ZNF264: variants seen among roughly 807,000 people sequenced by gnomAD.
ZNF264 encodes zinc finger protein 264.
A neutral mutation model predicts 11.2 loss-of-function variants in ZNF264; 11 were observed. The ratio of observed to expected loss-of-function variants is 0.98; its 90% confidence interval spans 0.62 to 1.63. The LOEUF (loss-of-function observed/expected upper bound fraction) is 1.63, where lower values mean the gene tolerates loss of function less well. ZNF264 is among the 40% of genes most tolerant of loss of function. The pLI is 0.00. For missense variants in ZNF264, 752 were observed against 768.1 expected (o/e 0.98, Z 0.25); for synonymous variants, 309 against 279.8 (o/e 1.10, Z -1.04).
intron 2 of ZNF264, among the ~76,000 whole-genome samples, chr19:57,203,246 G>C (rs1197101320): frequency 6.6e-6 from 1 of 152,086 alleles, no homozygotes; most frequent in East Asian, 1.9e-4. Flanking sequence ...TTGATTTAGG[G>C]CAGGGGAAAT....
intron 3 of ZNF264, among the ~76,000 whole-genome samples, chr19:57,207,116 C>T (rs1304990680): frequency 6.7e-6 from 1 of 149,338 alleles, no homozygotes; most frequent in Non-Finnish European, 1.5e-5. Context: ...ACAAGGAACC[C>T]ATGATCTTGC....
intron 2 of ZNF264, among the ~76,000 whole-genome samples, chr19:57,205,008 G>A (rs1277110563): frequency 6.6e-6 from 1 of 151,790 alleles, no homozygotes; most frequent in Non-Finnish European, 1.5e-5. Context: ...TCCTGGGGAT[G>A]CTGTGAGAAA....
chr19:57,203,134 AG>A (rs1300892595), intron 2 of ZNF264, among the ~76,000 whole-genome samples: 1 of 152,224 alleles, frequency 6.6e-6, no homozygotes, highest in Non-Finnish European at 1.5e-5. Context: ...TGGAAAAGCA[AG>A]ACAGGGCATG....
At position 57,219,618 on chromosome 19, in the gene ZNF264, G is replaced by A. The variant is rs1312134553; in HGVS notation, c.*6637G>A. On this transcript the variant is annotated 3_prime_UTR_variant, in exon 4 of 4. Transcript: ENST00000263095. ...AAAACTTCTTTCTTGGTTCTTGAAA[G>A]TTGCTGTCTTTCTCCTCCAGAGGGT... 6.6e-6 allele frequency: 1 copy of A among 152,218 alleles called. No individual in the cohort carries two copies. Among genetic ancestry groups the A allele is most frequent in the Admixed American group, 6.5e-5 (1 of 15,282 alleles). The allele number at this position is 152,218 out of a possible 1,614,324, so 9.4% of individuals were successfully genotyped here.
intron 3 of ZNF264, among the ~76,000 whole-genome samples, chr19:57,206,629 A>C (rs1453328200): frequency 6.6e-6 from 1 of 151,866 alleles, no homozygotes; most frequent in Admixed American, 6.6e-5. Context: ...ATAGTAAGTG[A>C]CTCATCCGAA....
At chr19:57,193,520 A>T in intron 1 of ZNF264, 1 of 985,434 alleles carries the variant, frequency 1.0e-6, no homozygotes, top group Non-Finnish European at 1.2e-6. Context: ...GCAGGCACCT[A>T]GCTGGACCAG....
chr19:57,200,195 A>G (rs184871964), intron 2 of ZNF264, among the ~76,000 whole-genome samples: 1 of 151,960 alleles, frequency 6.6e-6, no homozygotes, highest in Non-Finnish European at 1.5e-5. Context: ...GTGCATGCAC[A>G]GCCTCACCAG....
chr19:57,192,836 A>G (rs187777944), intron 1 of ZNF264, among the ~76,000 whole-genome samples: 19 of 152,146 alleles, frequency 1.2e-4, no homozygotes, highest in Admixed American at 9.2e-4. Flanking sequence ...GGTTCAAGCA[A>G]TTCTCCTGCC....
In ZNF264 at chr19:57,221,810, CAG is replaced by C. The variant is rs1325309152; in HGVS notation, c.*8830_*8831del. 3 of 152,018 alleles carry C rather than the reference CAG, an allele frequency of 2.0e-5. No individual in the cohort carries two copies. Among genetic ancestry groups the C allele is most frequent in the Non-Finnish European group, 2.9e-5 (2 of 68,004 alleles). The allele number at this position is 152,018 out of a possible 1,614,324, so 9.4% of individuals were successfully genotyped here. The stretch of plus-strand genomic sequence containing the variant: ...GGGGGGAAAAAAAGGCACCGAAAAA[CAG>C]GGCAGTGAGCTACTCCTGTTTTGGG... On this transcript the variant is annotated 3_prime_UTR_variant, in exon 4 of 4. Transcript: ENST00000263095.
rs1386283450 is a variant in ZNF264, at chr19:57,212,541, C to G, written c.1444C>G (p.Pro482Ala). ...RHFSIHTGEK[P>A]YECVECGKAF... Reference sequence around the variant, plus strand: ...CTTCAGCATCCACACTGGAGAGAAGCCCTATGAGTGCGTGGAGTGTGGAAA... The same window carrying G: ...CTTCAGCATCCACACTGGAGAGAAGGCCTATGAGTGCGTGGAGTGTGGAAA... The change falls in exon 4 of 4, where the codon CCC becomes GCC. Residue 482 changes from proline to alanine, a missense_variant. Transcript: ENST00000263095. 6.2e-7 allele frequency: 1 copy of G among 1,614,174 alleles called. No individual in the cohort carries two copies. Among genetic ancestry groups the G allele is most frequent in the East Asian group, 2.2e-5 (1 of 44,878 alleles).
chr19:57,198,961 T>TA (rs1289746385), intron 2 of ZNF264, among the ~76,000 whole-genome samples: 1 of 151,920 alleles, frequency 6.6e-6, no homozygotes, highest in Non-Finnish European at 1.5e-5. Flanking sequence ...TAATTCAAAT[T>TA]AGTCTTTTGT....
rs112609590 is a variant in ZNF264 at position 57,217,784 on chromosome 19, C to A, written c.*4803C>A. 2.8e-5 allele frequency: 3 copies of A among 108,492 alleles called. No homozygotes were observed. The highest frequency in any genetic ancestry group is 1.1e-4 in the African/African-American group (3 of 27,684). The allele number at this position is 108,492 out of a possible 1,614,324, so 6.7% of individuals were successfully genotyped here. A position where few individuals can be genotyped will look rare whatever the true frequency, so the allele number is the denominator to read the frequency against. ...GTCATGAGAAACATTGTCTCTTGAC[C>A]TTTTTTTTTTTTTTTTTTTTTTAAA... On this transcript the variant is annotated 3_prime_UTR_variant, in exon 4 of 4. Coordinates refer to ENST00000263095, the MANE Select transcript of ZNF264 (RefSeq NM_003417.5).
At chr19:57,194,107 T>C in intron 2 of ZNF264, 106 bp downstream of exon 2, 6 of 1,463,798 alleles carry the variant, frequency 4.1e-6, no homozygotes, top group Non-Finnish European at 5.5e-6. Flanking sequence ...GAATCTACCT[T>C]GCCTCTTTCC....
rs976606038 is a variant in ZNF264, at chr19:57,213,599, T to C, written c.*618T>C. On this transcript the variant is annotated 3_prime_UTR_variant, in exon 4 of 4. Coordinates refer to ENST00000263095, the MANE Select transcript of ZNF264 (RefSeq NM_003417.5). ...TTTTTATTTGTTAAATTTTTAAAAA[T>C]TACTTAGCTCAAAATGTCAGTGGTA... 2 of 152,232 alleles carry C rather than the reference T, an allele frequency of 1.3e-5. No individual in the cohort carries two copies. The highest frequency in any genetic ancestry group is 4.8e-5 in the African/African-American group (2 of 41,470). 9.4% of individuals were successfully genotyped at this position (152,232 alleles called of 1,614,324 possible).
rs577648373 is a variant in ZNF264, at chr19:57,212,353, G to A, written c.1256G>A (p.Arg419Gln). The A allele has an allele frequency of 8.1e-6, 13 of 1,613,214 alleles. No homozygotes were observed. The highest frequency in any genetic ancestry group is 3.3e-5 in the Admixed American group (2 of 59,946). ...CGATCCTACCTCAAGAGGCACCAGCGGATTCACACTGGGGAGAAGCCCTTC... is the reference window on the plus strand; with the variant it reads ...CGATCCTACCTCAAGAGGCACCAGCAGATTCACACTGGGGAGAAGCCCTTC... ...NHRSYLKRHQ[R>Q]IHTGEKPFVC... Residue 419 changes from arginine (R) to glutamine (Q), a missense_variant, in exon 4 of 4, where the codon CGG becomes CAG. By Grantham distance (43) the Arg-to-Gln change is conservative. Transcript: ENST00000263095.
At chr19:57,192,073 C>A in intron 1 of ZNF264, 127 bp downstream of exon 1, 1 of 941,230 alleles carries the variant, frequency 1.1e-6, no homozygotes, top group Non-Finnish European at 1.4e-6. Context: ...GTGTGTGGAG[C>A]TGGTTTGCCA....
intron 3 of ZNF264, among the ~76,000 whole-genome samples, chr19:57,206,499 A>C (rs983474676): frequency 6.6e-6 from 1 of 151,924 alleles, no homozygotes; most frequent in African/African-American, 2.4e-5. Flanking sequence ...CGGCCTCCCA[A>C]AGTGCTGGGA....
intron 2 of ZNF264, among the ~76,000 whole-genome samples, chr19:57,195,736 T>C (rs2087207315): frequency 6.6e-6 from 1 of 151,870 alleles, no homozygotes; most frequent in Non-Finnish European, 1.5e-5. Flanking sequence ...CAGCCAACAC[T>C]GTAACTCCCT....
At chr19:57,192,575 A>G (rs79567667) in intron 1 of ZNF264, 25,056 of 985,228 alleles carry the variant, frequency 0.025, 341 homozygotes, top group Non-Finnish European at 0.028. Context: ...TGGTTGGTTC[A>G]TTGTGGAATT....
Sources: allele counts gnomAD v4.1 joint callset (sites outside exome capture counted in the v4.1 genomes callset), GRCh38; gene constraint gnomAD v4.1.1; transcripts MANE v1.5; gene names NCBI Gene and HGNC (gene_info 2026-07-23, HGNC 2026-07-21).